Variants in SNTG1 observed in about 807,000 individuals in gnomAD.
The protein encoded by SNTG1 is gamma-1-syntrophin.
A neutral mutation model predicts 74.7 loss-of-function variants in SNTG1; 39 were observed. That is an observed-to-expected ratio of 0.52 (90% CI 0.40 to 0.68). The LOEUF is 0.68. Among genes scored for constraint, SNTG1 ranks in the 30% least tolerant of loss-of-function variants. The pLI, the probability that SNTG1 is intolerant of heterozygous loss-of-function variation, is 0.00. For synonymous variants in SNTG1, 254 were observed against 217.1 expected, an observed-to-expected ratio of 1.17 and a Z score of -1.49; for missense variants, 685 against 609.5, an observed-to-expected ratio of 1.12 and a Z score of -1.30.
intron 9 of SNTG1, among the ~76,000 whole-genome samples, chr8:50,509,496 T>A (rs1445771921): frequency 1.3e-5 from 2 of 152,188 alleles, no homozygotes; most frequent in Non-Finnish European, 2.9e-5. Flanking sequence ...AATCTATAAA[T>A]TACCTTGGGC....
chr8:50,111,958 A>G lies in SNTG1; in HGVS notation c.-102-60603A>G, dbSNP rs10105663. 4.4e-3 allele frequency among the ~76,000 whole-genome samples: 669 copies of G among 152,278 alleles called. 5 individuals carry two copies. The highest frequency in any genetic ancestry group is 0.015 in the African/African-American group (644 of 41,584). On this transcript the variant is annotated intron_variant, in intron 1 of 18. Transcript: ENST00000642720. The stretch of plus-strand genomic sequence containing the variant: ...TTTAGGCCAAAAAAATAGCCACAAT[A>G]TAAGTAACTTTATGGCATAAATCTG...
At position 50,704,731 on chromosome 8, in the gene SNTG1, T is replaced by C; in HGVS notation, c.1170T>C (p.Phe390=). 4 of 1,614,046 alleles carry C rather than the reference T, an allele frequency of 2.5e-6. No homozygotes were observed. The African/African-American group carries it at 5.3e-5, about 22-fold the overall frequency. The change falls in exon 16 of 19, where the codon TTT becomes TTC. Residue 390 remains phenylalanine (F), a synonymous_variant. Coordinates refer to ENST00000642720, the MANE Select transcript of SNTG1 (RefSeq NM_018967.5). ...QWERAFQTAT[F]LEVERIQCKT... ...AAAGAGCCTTCCAGACAGCAACCTT[T>C]CTAGAAGTAGAACGGATACAGGTGA...
At chr8:50,402,864 T>C (rs2092824531) in intron 4 of SNTG1, among the ~76,000 whole-genome samples, 1 of 152,132 alleles carries the variant, frequency 6.6e-6, no homozygotes, top group Non-Finnish European at 1.5e-5. Context: ...TGTAGCAAAT[T>C]CTTTTCTCCA....
At chr8:50,149,753 C>A (rs1430295710) in intron 1 of SNTG1, among the ~76,000 whole-genome samples, 1 of 152,058 alleles carries the variant, frequency 6.6e-6, no homozygotes, top group Admixed American at 6.6e-5. Context: ...TGGTCTATAT[C>A]TCTGTTTTGG....
intron 17 of SNTG1, among the ~76,000 whole-genome samples, chr8:50,746,205 G>A (rs1223545919): frequency 6.6e-6 from 1 of 151,880 alleles, no homozygotes; most frequent in African/African-American, 2.4e-5. Context: ...TAGTAATAAA[G>A]TAATCAAGAT....
intron 1 of SNTG1, among the ~76,000 whole-genome samples, chr8:50,137,141 T>C (rs999455572): frequency 6.6e-6 from 1 of 152,218 alleles, no homozygotes; most frequent in African/African-American, 2.4e-5. Context: ...ATGTCCGGTG[T>C]TAACATACTG....
At chr8:49,989,708 A>G (rs1813501535) in intron 1 of SNTG1, among the ~76,000 whole-genome samples, 1 of 151,948 alleles carries the variant, frequency 6.6e-6, no homozygotes, top group African/African-American at 2.4e-5. Flanking sequence ...GTTAAATACT[A>G]ATGAATCTAA....
At chr8:50,582,089 G>C (rs1383819961) in intron 12 of SNTG1, among the ~76,000 whole-genome samples, 3 of 152,150 alleles carry the variant, frequency 2.0e-5, no homozygotes, top group Non-Finnish European at 4.4e-5. Context: ...TCCAGTATCT[G>C]CAGGTTTCAC....
intron 4 of SNTG1, among the ~76,000 whole-genome samples, chr8:50,434,938 C>A (rs1264375658): frequency 6.6e-6 from 1 of 152,032 alleles, no homozygotes; most frequent in Non-Finnish European, 1.5e-5. Flanking sequence ...TTCTTCCTAA[C>A]TTTTTTCCAT....
chr8:50,462,724 C>G lies in SNTG1; in HGVS notation c.363+11995C>G, dbSNP rs147729009. Reference sequence around the variant, plus strand: ...AAACCACTTTCTTTGCTCTTCCATACAAATCAGCTCCTCATGTATTCATGT... The same window carrying G: ...AAACCACTTTCTTTGCTCTTCCATAGAAATCAGCTCCTCATGTATTCATGT... On this transcript the variant is annotated intron_variant, in intron 8 of 18. Transcript: ENST00000642720. Among the ~76,000 whole-genome samples, 451 of 147,888 alleles carry G rather than the reference C, an allele frequency of 3.0e-3. 4 individuals are homozygous for G. Among genetic ancestry groups the G allele is most frequent in the African/African-American group, 0.011 (438 of 40,056 alleles).
chr8:50,078,711 T>C (rs766592101), intron 1 of SNTG1, among the ~76,000 whole-genome samples: 17 of 152,128 alleles, frequency 1.1e-4, no homozygotes, highest in Non-Finnish European at 2.4e-4. Context: ...CTCCTTTCTC[T>C]AGCCCCCCAA....
At chr8:50,146,191 A>G (rs2081858246) in intron 1 of SNTG1, among the ~76,000 whole-genome samples, 1 of 152,040 alleles carries the variant, frequency 6.6e-6, no homozygotes, top group African/African-American at 2.4e-5. Flanking sequence ...GTGTGTGAAC[A>G]TGCTTTCAAG....
chr8:50,047,242 G>A (rs1180529532), intron 1 of SNTG1, among the ~76,000 whole-genome samples: 1 of 151,926 alleles, frequency 6.6e-6, no homozygotes, highest in Non-Finnish European at 1.5e-5. Context: ...GGGAGGCTGA[G>A]GTGAAAGGAA....
intron 8 of SNTG1, among the ~76,000 whole-genome samples, chr8:50,490,548 C>T (rs1157833593): frequency 6.6e-6 from 1 of 152,186 alleles, no homozygotes; most frequent in African/African-American, 2.4e-5. Context: ...GGAATTCACT[C>T]ATGATTTGGC....
At chr8:50,311,495 G>A (rs1038003103) in intron 2 of SNTG1, among the ~76,000 whole-genome samples, 2 of 152,204 alleles carry the variant, frequency 1.3e-5, no homozygotes, top group African/African-American at 4.8e-5. Flanking sequence ...GATACATTGA[G>A]TAGGTTGTGT....
intron 18 of SNTG1, among the ~76,000 whole-genome samples, chr8:50,758,085 A>G (rs927441193): frequency 5.9e-5 from 9 of 151,928 alleles, no homozygotes; most frequent in Non-Finnish European, 1.0e-4. Flanking sequence ...TAGATAAATA[A>G]CATTTCATTT....
intron 13 of SNTG1, among the ~76,000 whole-genome samples, chr8:50,607,280 G>A (rs1230070365): frequency 6.6e-6 from 1 of 151,698 alleles, no homozygotes; most frequent in Non-Finnish European, 1.5e-5. Context: ...AGTTTGTGTA[G>A]GATGGGTTTT....
intron 2 of SNTG1, among the ~76,000 whole-genome samples, chr8:50,229,699 T>A (rs929872030): frequency 6.6e-6 from 1 of 151,512 alleles, no homozygotes; most frequent in Non-Finnish European, 1.5e-5. Flanking sequence ...AAAATTTCAT[T>A]TAGTTGACTG....
intron 2 of SNTG1, among the ~76,000 whole-genome samples, chr8:50,357,301 A>G (rs1179951651): frequency 6.6e-6 from 1 of 152,222 alleles, no homozygotes; most frequent in African/African-American, 2.4e-5. Flanking sequence ...AGTGGGGACT[A>G]TCCTGCCATG....
Sources: gnomAD v4.1 joint callset for allele counts (sites outside exome capture counted in the v4.1 genomes callset) on GRCh38, gnomAD v4.1.1 for gene constraint, MANE v1.5 for transcripts, NCBI Gene and HGNC (gene_info 2026-07-23, HGNC 2026-07-21) for gene names.